TMEM117: variants seen among roughly 807,000 people sequenced by gnomAD.
TMEM117 encodes the protein transmembrane protein 117.
Under a neutral mutation model 52.4 loss-of-function variants are expected in TMEM117, and 27 were observed. The ratio of observed to expected loss-of-function variants is 0.51; its 90% confidence interval spans 0.38 to 0.71. The LOEUF is 0.71. Among genes scored for constraint, TMEM117 ranks in the 30% least tolerant of loss-of-function variants. The probability of loss-of-function intolerance (pLI) is 0.00; values close to 1 mark genes in which losing one functional copy is unlikely to be tolerated. For missense variants in TMEM117, 556 were observed against 630.5 expected, an observed-to-expected ratio of 0.88 and a Z score of 1.26; for synonymous variants, 215 against 206.3, an observed-to-expected ratio of 1.04 and a Z score of -0.36.
intron 6 of TMEM117, among the ~76,000 whole-genome samples, chr12:44,343,780 G>A (rs371537563): frequency 8.5e-5 from 13 of 152,082 alleles, no homozygotes; most frequent in Non-Finnish European, 1.6e-4. Flanking sequence ...ATTCATAGAC[G>A]AAGGAATATT....
intron 3 of TMEM117, among the ~76,000 whole-genome samples, chr12:44,134,759 A>G (rs1312099570): frequency 6.6e-6 from 1 of 152,012 alleles, no homozygotes; most frequent in Admixed American, 6.6e-5. Flanking sequence ...ACTCAGAACC[A>G]CAATTTTAGA....
intron 6 of TMEM117, among the ~76,000 whole-genome samples, chr12:44,301,099 C>A (rs951219202): frequency 1.3e-5 from 2 of 152,152 alleles, no homozygotes; most frequent in African/African-American, 4.8e-5. Flanking sequence ...GTATTAGTAG[C>A]CCAGTAGACT....
chr12:44,119,186 GT>G (rs1315793494), intron 3 of TMEM117, among the ~76,000 whole-genome samples: 1 of 152,170 alleles, frequency 6.6e-6, no homozygotes, highest in Non-Finnish European at 1.5e-5. Flanking sequence ...ATAAATTCTG[GT>G]TGTGTTAATC....
chr12:43,864,047 G>T (rs1212096604), intron 2 of TMEM117, among the ~76,000 whole-genome samples: 1 of 152,208 alleles, frequency 6.6e-6, no homozygotes, highest in African/African-American at 2.4e-5. Context: ...GCCAGCAGCT[G>T]TGGAGGGTGC....
chr12:44,029,339 C>A (rs1946595246), intron 3 of TMEM117, among the ~76,000 whole-genome samples: 1 of 152,178 alleles, frequency 6.6e-6, no homozygotes, highest in South Asian at 2.1e-4. Context: ...TTGGAATAAT[C>A]TGCTTAGCAC....
chr12:44,212,616 T>C (rs1358228687), intron 5 of TMEM117, among the ~76,000 whole-genome samples: 1 of 152,172 alleles, frequency 6.6e-6, no homozygotes. Flanking sequence ...ATAGGATATA[T>C]AGGGTTTAAT....
At chr12:44,069,105 G>A (rs1025298432) in intron 3 of TMEM117, among the ~76,000 whole-genome samples, 3 of 152,120 alleles carry the variant, frequency 2.0e-5, no homozygotes, top group Non-Finnish European at 4.4e-5. Context: ...GACTGACTAT[G>A]CATATTGCTT....
rs189495191 is a variant in TMEM117, at chr12:44,145,048, T to G, written c.510+1424T>G. On this transcript the variant is annotated intron_variant, in intron 4 of 7. Transcript: ENST00000266534. Reference sequence around the variant, plus strand: ...GGCGGGCGCCTGTAGTCCCAGCTACTCGGGAGGCTGAGGCAGGAGAATGGC... The same window carrying G: ...GGCGGGCGCCTGTAGTCCCAGCTACGCGGGAGGCTGAGGCAGGAGAATGGC... Among the ~76,000 whole-genome samples the G allele has an allele frequency of 3.6e-3, 544 of 152,208 alleles. 4 individuals are homozygous for G. Among genetic ancestry groups the G allele is most frequent in the South Asian group, 0.014 (66 of 4,814 alleles).
intron 2 of TMEM117, among the ~76,000 whole-genome samples, chr12:43,899,502 A>G (rs1944269598): frequency 6.6e-6 from 1 of 152,182 alleles, no homozygotes; most frequent in South Asian, 2.1e-4. Flanking sequence ...GATCATTCTG[A>G]AGAAACAGTA....
chr12:44,163,919 A>G (rs974600635), intron 4 of TMEM117, among the ~76,000 whole-genome samples: 7 of 152,092 alleles, frequency 4.6e-5, no homozygotes, highest in African/African-American at 1.2e-4. Flanking sequence ...AGTATTTTCT[A>G]TTTTCATCTA....
At chr12:43,884,147 A>T (rs2137458570) in intron 2 of TMEM117, among the ~76,000 whole-genome samples, 3 of 151,580 alleles carry the variant, frequency 2.0e-5, no homozygotes, top group Middle Eastern at 6.8e-3. Flanking sequence ...AAAAAAAAAA[A>T]AAGAAAGAAA....
At chr12:44,147,510 C>T (rs1948660293) in intron 4 of TMEM117, among the ~76,000 whole-genome samples, 1 of 152,180 alleles carries the variant, frequency 6.6e-6, no homozygotes. Flanking sequence ...CTGGTACATC[C>T]TGTTCTAGTT....
intron 6 of TMEM117, among the ~76,000 whole-genome samples, chr12:44,310,668 C>T (rs997200769): frequency 1.1e-4 from 17 of 152,266 alleles, no homozygotes; most frequent in African/African-American, 4.1e-4. Flanking sequence ...TCACCGGAAC[C>T]TTTACAGAGA....
upstream of TMEM117, among the ~76,000 whole-genome samples, chr12:43,835,481 T>C (rs1384906001): frequency 7.3e-6 from 1 of 137,250 alleles, no homozygotes; most frequent in African/African-American, 3.2e-5. Flanking sequence ...TGTGTGCATA[T>C]GTGTGTGTGT....
intron 5 of TMEM117, among the ~76,000 whole-genome samples, chr12:44,274,422 A>G (rs1950486846): frequency 6.6e-6 from 1 of 152,172 alleles, no homozygotes; most frequent in Non-Finnish European, 1.5e-5. Flanking sequence ...TCAAAATACT[A>G]ATGACATTCT....
intron 4 of TMEM117, among the ~76,000 whole-genome samples, chr12:44,168,848 C>G (rs1168156332): frequency 6.6e-6 from 1 of 152,150 alleles, no homozygotes; most frequent in Non-Finnish European, 1.5e-5. Flanking sequence ...TGTTTCATAA[C>G]AATAATTCCT....
chr12:44,115,353 A>G (rs960474729), intron 3 of TMEM117, among the ~76,000 whole-genome samples: 4 of 152,168 alleles, frequency 2.6e-5, no homozygotes, highest in Non-Finnish European at 5.9e-5. Context: ...GATATACCTG[A>G]TGTAAATGTC....
chr12:43,924,539 A>T (rs80107150), intron 2 of TMEM117, among the ~76,000 whole-genome samples: 3,322 of 152,236 alleles, frequency 0.022, 118 homozygotes, highest in East Asian at 0.2. Flanking sequence ...TGTGAAGGTT[A>T]TTTTCACAAA....
chr12:43,825,377 T>C, the TMEM117 span, among the ~76,000 whole-genome samples: 9 of 152,252 alleles, frequency 5.9e-5, no homozygotes, highest in South Asian at 1.9e-3. Flanking sequence ...GCAGCAGGGG[T>C]TGATCCCTAC....
Sources: gnomAD v4.1 joint callset for allele counts (sites outside exome capture counted in the v4.1 genomes callset) on GRCh38, gnomAD v4.1.1 for gene constraint, MANE v1.5 for transcripts, NCBI Gene and HGNC (gene_info 2026-07-23, HGNC 2026-07-21) for gene names.